Variants in MLIP observed in about 807,000 individuals in gnomAD.
The protein encoded by MLIP is muscular LMNA-interacting protein.
A neutral mutation model predicts 84.8 loss-of-function variants in MLIP; 79 were observed. The observed-to-expected ratio is 0.93, with a 90% CI of 0.78 to 1.12. The LOEUF is 1.12. Ranked by LOEUF, MLIP falls within the 50% of genes most tolerant of loss-of-function variation. MLIP has a pLI of 0.00. For missense variants in MLIP, 1,257 were observed against 1,160.6 expected (o/e 1.08, Z -1.21); for synonymous variants, 504 against 463.0 (o/e 1.09, Z -1.14).
At chr6:54,145,967 C>A (rs1023915008) in intron 4 of MLIP, among the ~76,000 whole-genome samples, 1 of 152,030 alleles carries the variant, frequency 6.6e-6, no homozygotes, top group African/African-American at 2.4e-5. Context: ...ACACACCTAA[C>A]AAAATGTTTC....
intron 1 of MLIP, among the ~76,000 whole-genome samples, chr6:54,101,426 T>C (rs1049918401): frequency 2.2e-4 from 32 of 145,728 alleles, no homozygotes; most frequent in Non-Finnish European, 4.5e-4. Context: ...CTTAATTTAA[T>C]TTTTACATCC....
At chr6:54,027,272 G>T (rs1763859852) in intron 1 of MLIP, among the ~76,000 whole-genome samples, 1 of 151,922 alleles carries the variant, frequency 6.6e-6, no homozygotes, top group South Asian at 2.1e-4. Flanking sequence ...GCATGTAAGT[G>T]CCTTAATGTT....
chr6:54,171,662 A>G (rs940216469), intron 9 of MLIP, among the ~76,000 whole-genome samples: 1 of 151,426 alleles, frequency 6.6e-6, no homozygotes, highest in African/African-American at 2.4e-5. Context: ...AATGAACAAG[A>G]GCTTATCTTG....
chr6:54,112,484 C>T lies in MLIP; in HGVS notation c.96+909C>T, dbSNP rs979392017. ...TAATATTGTACTGTTAGCTTAAAAGCGAATACCAAATGATTGCCCTTTTTG... is the reference window on the plus strand; with the variant it reads ...TAATATTGTACTGTTAGCTTAAAAGTGAATACCAAATGATTGCCCTTTTTG... On this transcript the variant is annotated intron_variant, in intron 1 of 13. Transcript: ENST00000502396. Among the ~76,000 whole-genome samples the T allele has an allele frequency of 5.3e-5, 8 of 152,140 alleles. 1 individual carries two copies. Among genetic ancestry groups the T allele is most frequent in the South Asian group, 2.1e-4 (1 of 4,836 alleles).
chr6:54,249,710 AACACACAC>A (rs147266668), intron 12 of MLIP, among the ~76,000 whole-genome samples: 159 of 147,116 alleles, frequency 1.1e-3, no homozygotes, highest in Non-Finnish European at 1.9e-3. Context: ...GGAAATGAGG[AACACACAC>A]ACACACACAC....
intron 1 of MLIP, chr6:54,031,670 A>G (rs970966435): frequency 6.6e-5 from 10 of 152,178 alleles, no homozygotes; most frequent in African/African-American, 2.4e-4. Flanking sequence ...TTTTCAAGAG[A>G]CAATGAAGAG....
intron 4 of MLIP, among the ~76,000 whole-genome samples, chr6:54,143,083 T>C (rs888167363): frequency 7.9e-5 from 12 of 152,164 alleles, no homozygotes; most frequent in African/African-American, 2.9e-4. Context: ...TACTGACCAG[T>C]TCTGTGTACC....
intron 1 of MLIP, among the ~76,000 whole-genome samples, chr6:54,120,297 C>G (rs1033398948): frequency 2.0e-5 from 3 of 151,926 alleles, no homozygotes; most frequent in Admixed American, 2.0e-4. Context: ...TGCAGTGGCA[C>G]GATCTCGGCT....
At chr6:54,219,255 A>G (rs1395407584) in intron 11 of MLIP, among the ~76,000 whole-genome samples, 1 of 151,488 alleles carries the variant, frequency 6.6e-6, no homozygotes, top group Admixed American at 6.6e-5. Flanking sequence ...AAAAAGATAC[A>G]AACACATTAT....
At position 54,251,441 on chromosome 6, in the gene MLIP, C is replaced by CATATATATATATATATAT. The variant is rs148476876; in HGVS notation, c.2923-5858_2923-5841dup. On this transcript the variant is annotated intron_variant, in intron 12 of 13. Coordinates refer to ENST00000502396, the MANE Select transcript of MLIP (RefSeq NM_001281747.2). ...TATCTCCAAAGTGAATGAAACAAGCCATATATATATATATATATATATATA... is the reference window on the plus strand; with the variant it reads ...TATCTCCAAAGTGAATGAAACAAGCCATATATATATATATATATATATATATATATATATATATATATA... Among the ~76,000 whole-genome samples the CATATATATATATATATAT allele has an allele frequency of 5.0e-3, 439 of 88,228 alleles. 4 individuals carry two copies. The highest frequency in any genetic ancestry group is 9.0e-3 in the African/African-American group (127 of 14,064). 57.9% of individuals were successfully genotyped at this position (88,228 alleles called of 152,430 possible).
intron 11 of MLIP, among the ~76,000 whole-genome samples, chr6:54,224,487 GA>G (rs1490991952): frequency 6.6e-6 from 1 of 151,840 alleles, no homozygotes; most frequent in Non-Finnish European, 1.5e-5. Flanking sequence ...AGGGAAATTC[GA>G]ACAATCTTTT....
chr6:54,170,746 A>G (rs1484219149), intron 9 of MLIP, among the ~76,000 whole-genome samples: 1 of 151,564 alleles, frequency 6.6e-6, no homozygotes, highest in Non-Finnish European at 1.5e-5. Context: ...AAAGCCCTTA[A>G]TGGAATTCTG....
chr6:54,028,034 T>C (rs1198842906), intron 1 of MLIP, among the ~76,000 whole-genome samples: 1 of 152,200 alleles, frequency 6.6e-6, no homozygotes. Flanking sequence ...CCTAAGGGAA[T>C]GACAAATAGA....
rs1561954103 is a variant in MLIP at position 54,124,673 on chromosome 6, G to T, written c.453G>T (p.Glu151Asp). 3 of 1,614,190 alleles carry T rather than the reference G, an allele frequency of 1.9e-6. No homozygotes were observed. The highest frequency in any genetic ancestry group is 2.2e-5 in the East Asian group (1 of 44,864). The change falls in exon 3 of 14, where the codon GAG becomes GAT. Residue 151 changes from glutamate (E) to aspartate (D), a missense_variant. By Grantham distance (45) the Glu-to-Asp change is conservative. Transcript: ENST00000502396. ...VLIVDSEGED[E>D]AASRKVEQGP... The stretch of plus-strand genomic sequence containing the variant: ...TTGTGGACTCCGAAGGGGAAGATGA[G>T]GCTGCAAGCAGAAAAGTTGAACAAG...
In MLIP at chr6:54,153,707, C is replaced by A. The variant is rs1203342877; in HGVS notation, c.2289+4580C>A. Reference sequence around the variant, plus strand: ...TACTGATAATACAAAAAAAATTTAACTGGGTATGGTGGCAGATGCCTGTAA... The same window carrying A: ...TACTGATAATACAAAAAAAATTTAAATGGGTATGGTGGCAGATGCCTGTAA... On this transcript the variant is annotated intron_variant, in intron 5 of 13. Transcript: ENST00000502396. 2.0e-5 allele frequency among the ~76,000 whole-genome samples: 3 copies of A among 151,882 alleles called. No individual in the cohort carries two copies. The East Asian group carries it at 5.8e-4, about 29-fold the overall frequency.
chr6:54,111,325 T>C (rs2150407280), upstream of MLIP: 1 of 1,315,186 alleles, frequency 7.6e-7, no homozygotes, highest in Non-Finnish European at 1.0e-6. Context: ...AAATCTACTC[T>C]TCGGAGCTGA....
At chr6:54,257,081 A>G (rs916316906) in intron 12 of MLIP, among the ~76,000 whole-genome samples, 1 of 152,154 alleles carries the variant, frequency 6.6e-6, no homozygotes, top group Non-Finnish European at 1.5e-5. Flanking sequence ...TGTGTGACAT[A>G]AAAATAAATA....
At chr6:54,159,342 C>A (rs9349697) in intron 5 of MLIP, among the ~76,000 whole-genome samples, 1,660 of 152,074 alleles carry the variant, frequency 0.011, 33 homozygotes, top group African/African-American at 0.035. Flanking sequence ...TGCTGAAAAT[C>A]GAAATTTGAA....
At chr6:54,059,586 CT>C (rs1225095132) in intron 1 of MLIP, among the ~76,000 whole-genome samples, 3 of 152,106 alleles carry the variant, frequency 2.0e-5, no homozygotes, top group Admixed American at 1.3e-4. Context: ...AGATTTGTCA[CT>C]TTATCAAAAT....
Sources: allele counts gnomAD v4.1 joint callset (sites outside exome capture counted in the v4.1 genomes callset), GRCh38; gene constraint gnomAD v4.1.1; transcripts MANE v1.5; gene names NCBI Gene and HGNC (gene_info 2026-07-23, HGNC 2026-07-21).